The following NBAS variants were observed in gnomAD, a reference collection of about 807,000 sequenced individuals.
The protein encoded by NBAS is NAG/BC035112 fusion.
In NBAS, 219 loss-of-function variants were observed where a neutral mutation model predicts 302.5. The ratio of observed to expected loss-of-function variants is 0.72; its 90% CI spans 0.65 to 0.81. The LOEUF (loss-of-function observed/expected upper bound fraction) is 0.81. Ranked by LOEUF, NBAS falls within the 30% of genes least tolerant of loss-of-function variation. The pLI, the probability that NBAS is intolerant of heterozygous loss-of-function variation, is 0.00. For synonymous variants in NBAS, 1,118 were observed against 1,021.6 expected, an observed-to-expected ratio of 1.09 and a Z score of -1.80; for missense variants, 2,932 against 2,841.6, an observed-to-expected ratio of 1.03 and a Z score of -0.72.
the NBAS span, among the ~76,000 whole-genome samples, chr2:14,838,025 T>G: frequency 6.6e-6 from 1 of 151,926 alleles, no homozygotes; most frequent in Non-Finnish European, 1.5e-5. Context: ...TATCACTTAG[T>G]TTTATTACAA....
chr2:15,218,696 G>C (rs1666766945), intron 48 of NBAS, 77 bp downstream of exon 48: 29 of 1,590,422 alleles, frequency 1.8e-5, no homozygotes, highest in Non-Finnish European at 2.3e-5. Flanking sequence ...CCACAATGCT[G>C]GGATTACAGG....
chr2:15,425,861 TTCTG>T (rs905594786), intron 22 of NBAS, among the ~76,000 whole-genome samples: 31 of 152,160 alleles, frequency 2.0e-4, no homozygotes, highest in Admixed American at 1.4e-3. Context: ...CCGCTCCTCC[TTCTG>T]GAAATGCCCT....
rs1409318058 is a variant in NBAS at position 15,309,285 on chromosome 2, G to A, written c.4583-38C>T. The A allele has an allele frequency of 3.3e-6, 5 of 1,525,324 alleles. No homozygotes were observed. In the African/African-American group the frequency reaches 4.1e-5, roughly 13 times the overall value. The allele number at this position is 1,525,324 out of a possible 1,614,324, so 94.5% of individuals were successfully genotyped here. A position where few individuals can be genotyped will look rare whatever the true frequency, so the allele number is the denominator to read the frequency against. ...AAAGAAACATTATTTTACTGAGGTTGCATATGATATTCATAGTTATTAAAT... is the reference window on the plus strand; with the variant it reads ...AAAGAAACATTATTTTACTGAGGTTACATATGATATTCATAGTTATTAAAT... On this transcript the variant is annotated intron_variant, in intron 38 of 51. Transcript: ENST00000281513.
chr2:15,532,027 A>G (rs1464246173), intron 9 of NBAS, among the ~76,000 whole-genome samples: 1 of 152,260 alleles, frequency 6.6e-6, no homozygotes, highest in Admixed American at 6.5e-5. Flanking sequence ...CACCTGGAAC[A>G]GTATGTGGCA....
chr2:15,058,530 A>T, the NBAS span, among the ~76,000 whole-genome samples: 1 of 152,240 alleles, frequency 6.6e-6, no homozygotes, highest in Non-Finnish European at 1.5e-5. Flanking sequence ...GGGCTAAAAC[A>T]TGTGCACAAC....
At chr2:14,899,477 C>T in the NBAS span, among the ~76,000 whole-genome samples, 1 of 152,230 alleles carries the variant, frequency 6.6e-6, no homozygotes, top group Non-Finnish European at 1.5e-5. Context: ...TCATCTGCAG[C>T]AGCTGCCATT....
At chr2:15,515,508 G>A (rs759138222) in intron 9 of NBAS, among the ~76,000 whole-genome samples, 17 of 152,112 alleles carry the variant, frequency 1.1e-4, no homozygotes, top group Non-Finnish European at 2.4e-4. Context: ...GATGGAGCAA[G>A]ACTTTCTCAA....
the NBAS span, among the ~76,000 whole-genome samples, chr2:15,115,821 G>A: frequency 6.6e-6 from 1 of 152,054 alleles, no homozygotes; most frequent in South Asian, 2.1e-4. Flanking sequence ...CATAGTAATT[G>A]TTAATAGAAC....
chr2:14,797,462 G>A, the NBAS span, among the ~76,000 whole-genome samples: 1 of 152,160 alleles, frequency 6.6e-6, no homozygotes, highest in African/African-American at 2.4e-5. Context: ...AAGGCGGCGG[G>A]ACTGAATGAG....
At chr2:15,392,154 T>C (rs1379998551) in intron 28 of NBAS, among the ~76,000 whole-genome samples, 1 of 151,968 alleles carries the variant, frequency 6.6e-6, no homozygotes, top group Non-Finnish European at 1.5e-5. Flanking sequence ...TTTTTCACAT[T>C]ATTTACATCA....
the NBAS span, among the ~76,000 whole-genome samples, chr2:14,839,269 A>G: frequency 6.6e-6 from 1 of 152,012 alleles, no homozygotes; most frequent in African/African-American, 2.4e-5. Flanking sequence ...TGCCCAATCT[A>G]TCTGGCACCA....
chr2:14,902,080 G>A, the NBAS span, among the ~76,000 whole-genome samples: 2 of 152,142 alleles, frequency 1.3e-5, no homozygotes, highest in South Asian at 4.1e-4. Context: ...TGTAAAATGG[G>A]AGTGCTTAGT....
chr2:14,903,435 G>C, the NBAS span, among the ~76,000 whole-genome samples: 14 of 152,088 alleles, frequency 9.2e-5, no homozygotes, highest in Non-Finnish European at 1.6e-4. Context: ...TAACAGCCTT[G>C]TGTGTTCAGA....
intron 48 of NBAS, among the ~76,000 whole-genome samples, chr2:15,216,459 T>G (rs146150175): frequency 6.6e-6 from 1 of 152,072 alleles, no homozygotes; most frequent in African/African-American, 2.4e-5. Flanking sequence ...TGAGAGAAAA[T>G]AGTTTGCACT....
At position 15,556,932 on chromosome 2, in the gene NBAS, A is replaced by C. The variant is rs879447773; in HGVS notation, c.173-113T>G. On this transcript the variant is annotated intron_variant, in intron 2 of 51. Coordinates refer to ENST00000281513, the MANE Select transcript of NBAS (RefSeq NM_015909.4). Reference sequence around the variant, plus strand: ...TATACTACAGAGCGAGTCATTAAAAAAAATAAAGAACTCAAGTCTTAAAAT... The same window carrying C: ...TATACTACAGAGCGAGTCATTAAAACAAATAAAGAACTCAAGTCTTAAAAT... 8.5e-6 allele frequency: 7 copies of C among 827,162 alleles called. No homozygotes were observed. The Admixed American group carries it at 1.6e-4, about 19-fold the overall frequency. 51.2% of individuals were successfully genotyped at this position (827,162 alleles called of 1,614,324 possible).
At chr2:15,560,331 C>T (rs912282450) in intron 1 of NBAS, among the ~76,000 whole-genome samples, 1 of 152,116 alleles carries the variant, frequency 6.6e-6, no homozygotes, top group Non-Finnish European at 1.5e-5. Flanking sequence ...CCTTCACTAC[C>T]AAACAACTGA....
chr2:15,251,686 C>A (rs1303085933), intron 44 of NBAS, among the ~76,000 whole-genome samples: 1 of 152,146 alleles, frequency 6.6e-6, no homozygotes, highest in Non-Finnish European at 1.5e-5. Context: ...ACTGTCACGA[C>A]GCTGGTGGGA....
At position 15,474,178 on chromosome 2, in the gene NBAS, C is replaced by A; in HGVS notation, c.1488G>T (p.Val496=). 6.2e-7 allele frequency: 1 copy of A among 1,614,130 alleles called. No individual in the cohort carries two copies. The highest frequency in any genetic ancestry group is 8.5e-7 in the Non-Finnish European group (1 of 1,180,034). ...GTGGTGCAAATCGCTCCATTTCAGT[C>A]ACCAAGTAAAGGCCCTGTTTTATAT... The part of the protein sequence containing the change: ...FGYIKQGLYL[V]TEMERFAPPR... Residue 496 remains valine, a synonymous_variant, in exon 15 of 52, where the codon GTG becomes GTT. Coordinates refer to ENST00000281513, the MANE Select transcript of NBAS (RefSeq NM_015909.4).
At chr2:14,797,253 T>C in the NBAS span, among the ~76,000 whole-genome samples, 1 of 152,176 alleles carries the variant, frequency 6.6e-6, no homozygotes, top group Non-Finnish European at 1.5e-5. Flanking sequence ...AACTCTTCTC[T>C]GCCCTGCTCG....
Sources: allele counts gnomAD v4.1 joint callset (sites outside exome capture counted in the v4.1 genomes callset), GRCh38; gene constraint gnomAD v4.1.1; transcripts MANE v1.5; gene names NCBI Gene and HGNC (gene_info 2026-07-23, HGNC 2026-07-21).